The following LHFPL6 variants were observed in gnomAD, a reference collection of about 807,000 sequenced individuals.
LHFPL6 encodes LHFPL tetraspan subfamily member 6.
A neutral mutation model predicts 20.6 loss-of-function variants in LHFPL6; 9 were observed. That is an observed-to-expected ratio of 0.44 (90% confidence interval 0.26 to 0.76). LHFPL6 has a LOEUF of 0.76. Among genes scored for constraint, LHFPL6 ranks in the 30% least tolerant of loss-of-function variants. LHFPL6 has a pLI of 0.20. For synonymous variants in LHFPL6, 105 were observed against 98.7 expected (o/e 1.06, Z -0.38); for missense variants, 218 against 253.5 (o/e 0.86, Z 0.95).
intron 2 of LHFPL6, among the ~76,000 whole-genome samples, chr13:39,490,495 C>G (rs1321318305): frequency 6.6e-6 from 1 of 152,198 alleles, no homozygotes. Flanking sequence ...TTAACTCCAT[C>G]TCCACTCTGG....
chr13:39,600,726 T>C, intron 2 of LHFPL6, 106 bp downstream of exon 2: 4 of 1,162,336 alleles, frequency 3.4e-6, no homozygotes, highest in Non-Finnish European at 4.6e-6. Flanking sequence ...ATTTCTCTTA[T>C]GCATTCCAGG....
At chr13:39,587,345 CCT>C (rs1249186652) in intron 2 of LHFPL6, among the ~76,000 whole-genome samples, 3 of 152,090 alleles carry the variant, frequency 2.0e-5, no homozygotes, top group African/African-American at 7.2e-5. Flanking sequence ...TTGATGTTCC[CCT>C]GTCTGAAGGC....
Position 39,343,834 on chromosome 13 carries a change from G to T in LHFPL6, c.*102C>A. The stretch of plus-strand genomic sequence containing the variant: ...GTTTCATTTTATTAGCATTGTATTG[G>T]ATTAGAACTACTATCCCACCTTTTG... On this transcript the variant is annotated 3_prime_UTR_variant, in exon 4 of 4. Coordinates refer to ENST00000379589, the MANE Select transcript of LHFPL6 (RefSeq NM_005780.3). 1 of 752,718 alleles carries T rather than the reference G, an allele frequency of 1.3e-6. No individual in the cohort carries two copies. Among genetic ancestry groups the T allele is most frequent in the Non-Finnish European group, 2.3e-6 (1 of 443,666 alleles). The allele number at this position is 752,718 out of a possible 1,614,324, so 46.6% of individuals were successfully genotyped here.
chr13:39,357,598 C>G (rs1385599031), intron 3 of LHFPL6, among the ~76,000 whole-genome samples: 1 of 152,114 alleles, frequency 6.6e-6, no homozygotes, highest in Admixed American at 6.5e-5. Context: ...CCTAGAAAAC[C>G]CTTAAGACTC....
At chr13:39,357,207 A>G (rs1347376439) in intron 3 of LHFPL6, among the ~76,000 whole-genome samples, 3 of 152,072 alleles carry the variant, frequency 2.0e-5, no homozygotes, top group African/African-American at 7.2e-5. Context: ...AAAACAAAAA[A>G]AGTAAAAAGC....
At chr13:39,368,411 G>A (rs1336727127) in intron 3 of LHFPL6, among the ~76,000 whole-genome samples, 2 of 152,056 alleles carry the variant, frequency 1.3e-5, no homozygotes, top group African/African-American at 4.8e-5. Context: ...GTGAAACCCT[G>A]TCTCTATTAA....
At chr13:39,355,846 G>C (rs1354769456) in intron 3 of LHFPL6, among the ~76,000 whole-genome samples, 1 of 152,180 alleles carries the variant, frequency 6.6e-6, no homozygotes, top group Non-Finnish European at 1.5e-5. Context: ...ACTATCCTCA[G>C]TGTATAAACA....
At chr13:39,372,371 C>A (rs1870186332) in intron 3 of LHFPL6, among the ~76,000 whole-genome samples, 1 of 95,886 alleles carries the variant, frequency 1.0e-5, no homozygotes, top group Non-Finnish European at 2.2e-5. Flanking sequence ...TTCTATACAA[C>A]TAAGGACGAT....
chr13:39,458,593 G>A (rs1227397438), intron 2 of LHFPL6, among the ~76,000 whole-genome samples: 1 of 151,922 alleles, frequency 6.6e-6, no homozygotes, highest in Admixed American at 6.6e-5. Flanking sequence ...CAGCTACTCA[G>A]GAGGCTGAGA....
At chr13:39,434,991 G>C (rs972957990) in intron 2 of LHFPL6, among the ~76,000 whole-genome samples, 3 of 135,980 alleles carry the variant, frequency 2.2e-5, no homozygotes, top group African/African-American at 8.1e-5. Context: ...AGGAAGTGGA[G>C]CTTGCAGTGA....
intron 2 of LHFPL6, among the ~76,000 whole-genome samples, chr13:39,466,089 C>T (rs1593323735): frequency 6.6e-6 from 1 of 152,150 alleles, no homozygotes; most frequent in African/African-American, 2.4e-5. Context: ...GGTTCCTCTT[C>T]ATGAGAGAAC....
intron 2 of LHFPL6, among the ~76,000 whole-genome samples, chr13:39,544,582 T>C (rs1208701841): frequency 6.6e-6 from 1 of 152,202 alleles, no homozygotes; most frequent in African/African-American, 2.4e-5. Flanking sequence ...GAGATAATCA[T>C]TGCCAACAAA....
At chr13:39,507,633 G>T (rs915081769) in intron 2 of LHFPL6, among the ~76,000 whole-genome samples, 8 of 152,018 alleles carry the variant, frequency 5.3e-5, no homozygotes, top group Non-Finnish European at 1.0e-4. Flanking sequence ...TGAAATTGCT[G>T]CAGTTTGTAT....
intron 2 of LHFPL6, among the ~76,000 whole-genome samples, chr13:39,535,272 C>A (rs774940723): frequency 9.2e-5 from 14 of 152,198 alleles, no homozygotes; most frequent in Non-Finnish European, 1.8e-4. Context: ...TTGTGAGAGG[C>A]AATTCAACCT....
chr13:39,463,335 G>A (rs573693654), intron 2 of LHFPL6, among the ~76,000 whole-genome samples: 1 of 152,150 alleles, frequency 6.6e-6, no homozygotes, highest in Non-Finnish European at 1.5e-5. Flanking sequence ...TGTGAAAACG[G>A]AGGTGGAGAA....
intron 2 of LHFPL6, among the ~76,000 whole-genome samples, chr13:39,455,800 TC>T (rs1482601796): frequency 6.6e-6 from 1 of 152,218 alleles, no homozygotes; most frequent in African/African-American, 2.4e-5. Flanking sequence ...ACTTGTTTTT[TC>T]TAACCACATT....
intron 2 of LHFPL6, among the ~76,000 whole-genome samples, chr13:39,386,738 G>GCAACA (rs1182229761): frequency 1.3e-5 from 2 of 152,200 alleles, no homozygotes; most frequent in Non-Finnish European, 2.9e-5. Flanking sequence ...GTGGCTGGCT[G>GCAACA]GAGCCAGGTC....
intron 2 of LHFPL6, among the ~76,000 whole-genome samples, chr13:39,381,936 C>A (rs938963777): frequency 6.6e-6 from 1 of 151,784 alleles, no homozygotes; most frequent in African/African-American, 2.4e-5. Flanking sequence ...ACAGTTTGAA[C>A]AGTCAGCAGC....
intron 2 of LHFPL6, among the ~76,000 whole-genome samples, chr13:39,405,216 A>T (rs17059815): frequency 6.6e-6 from 1 of 152,188 alleles, no homozygotes; most frequent in Non-Finnish European, 1.5e-5. Context: ...ATCACGTAGT[A>T]CAGGCTATCT....
Sources: allele counts gnomAD v4.1 joint callset (sites outside exome capture counted in the v4.1 genomes callset), GRCh38; gene constraint gnomAD v4.1.1; transcripts MANE v1.5; gene names NCBI Gene and HGNC (gene_info 2026-07-23, HGNC 2026-07-21).